The following UNC13B variants were observed in gnomAD, a reference collection of about 807,000 sequenced individuals.
The protein encoded by UNC13B is unc-13 homolog B.
A neutral mutation model predicts 211.0 loss-of-function variants in UNC13B; 144 were observed. The observed-to-expected ratio is 0.68, with a 90% CI of 0.60 to 0.78. UNC13B has a LOEUF of 0.78. Among genes scored for constraint, UNC13B ranks in the 30% least tolerant of loss-of-function variants. The pLI is 0.00. For missense variants in UNC13B, 1,777 were observed against 2,002.0 expected (o/e 0.89, Z 2.14); for synonymous variants, 709 against 725.8 (o/e 0.98, Z 0.37).
chr9:35,257,192 C>T (rs371539946), intron 6 of UNC13B, among the ~76,000 whole-genome samples: 2 of 151,448 alleles, frequency 1.3e-5, no homozygotes, highest in Admixed American at 6.6e-5. Context: ...GGTGCAGTGG[C>T]TCACACCTGT....
At chr9:35,394,897 A>T (rs961488910) in intron 26 of UNC13B, among the ~76,000 whole-genome samples, 1 of 152,198 alleles carries the variant, frequency 6.6e-6, no homozygotes, top group African/African-American at 2.4e-5. Context: ...GAAATTAGGG[A>T]TAGGGGCCAG....
intron 1 of UNC13B, among the ~76,000 whole-genome samples, chr9:35,180,482 CT>C (rs545028895): frequency 2.0e-5 from 3 of 148,436 alleles, no homozygotes; most frequent in Non-Finnish European, 4.5e-5. Context: ...ACAATTTATT[CT>C]TTTTTTTTTA....
rs1025926654 is a variant in UNC13B, at chr9:35,307,689, G to A, written c.8285G>A (p.Arg2762His). The A allele has an allele frequency of 4.0e-5, 16 of 398,898 alleles. No individual in the cohort carries two copies. The Admixed American group carries it at 4.8e-4, about 12-fold the overall frequency. 24.7% of individuals were successfully genotyped at this position (398,898 alleles called of 1,614,324 possible). A position where few individuals can be genotyped will look rare whatever the true frequency, so the allele number is the denominator to read the frequency against. The change falls in exon 9 of 40, where the codon CGT (arginine) becomes CAT (histidine). Residue 2762 changes from arginine (R) to histidine (H), a missense_variant. Physicochemically the swap from Arg to His is conservative, Grantham distance 29 (BLOSUM62 0). Coordinates refer to ENST00000635942, the MANE Select transcript of UNC13B (RefSeq NM_001371189.2). ...VPQETEQSRP[R>H]FEIPNVTTWP... is the part of the protein sequence containing the mutation. The stretch of plus-strand genomic sequence containing the variant: ...CAGGAAACAGAGCAGTCAAGACCAC[G>A]TTTTGAGATCCCAAATGTGACCACT...
chr9:35,202,272 T>A (rs1011733817), intron 1 of UNC13B, among the ~76,000 whole-genome samples: 4 of 152,220 alleles, frequency 2.6e-5, no homozygotes, highest in African/African-American at 7.2e-5. Flanking sequence ...GTGGTCACTT[T>A]TGGAATAAGT....
chr9:35,267,943 T>C (rs574268779), intron 7 of UNC13B, among the ~76,000 whole-genome samples: 2 of 152,332 alleles, frequency 1.3e-5, no homozygotes, highest in African/African-American at 4.8e-5. Flanking sequence ...CCATGGGAAC[T>C]CAATTATTCT....
intron 26 of UNC13B, among the ~76,000 whole-genome samples, chr9:35,391,743 A>G (rs1013862592): frequency 6.6e-6 from 1 of 152,166 alleles, no homozygotes; most frequent in Admixed American, 6.5e-5. Context: ...GGGAAAAGAG[A>G]AAACACCTGT....
chr9:35,245,492 T>TC (rs1330400847), intron 6 of UNC13B, among the ~76,000 whole-genome samples: 6 of 71,412 alleles, frequency 8.4e-5, no homozygotes, highest in Non-Finnish European at 1.3e-4. Context: ...ATGCTATCCC[T>TC]CCCCCCCTCC....
Position 35,382,450 on chromosome 9 carries a change from C to T in UNC13B, c.10749C>T (p.His3583=). Residue 3583 remains histidine, a synonymous_variant, in exon 21 of 40, where the codon CAC becomes CAT. Coordinates refer to ENST00000635942, the MANE Select transcript of UNC13B (RefSeq NM_001371189.2). ...CCAACATCAACGCCTACTATGCCCA[C>T]ACAACTGCCTCTACCAATGTCTCTG... is the stretch of plus-strand genomic sequence containing the variant. ...LLANINAYYA[H]TTASTNVSAS... is the part of the protein sequence containing the mutation. 6.2e-7 allele frequency: 1 copy of T among 1,614,218 alleles called. No individual in the cohort carries two copies.
chr9:35,165,607 C>CAT (rs1564037609), intron 1 of UNC13B, among the ~76,000 whole-genome samples: 1 of 151,460 alleles, frequency 6.6e-6, no homozygotes, highest in East Asian at 1.9e-4. Flanking sequence ...TTAGTAGAGA[C>CAT]GGGGTTTCAC....
At chr9:35,168,003 C>G (rs1309178989) in intron 1 of UNC13B, among the ~76,000 whole-genome samples, 2 of 151,850 alleles carry the variant, frequency 1.3e-5, no homozygotes, top group Non-Finnish European at 2.9e-5. Context: ...ACTGCATCCT[C>G]AAACTCCTGG....
intron 1 of UNC13B, among the ~76,000 whole-genome samples, chr9:35,219,771 G>A (rs1378546967): frequency 6.6e-6 from 1 of 151,894 alleles, no homozygotes; most frequent in Non-Finnish European, 1.5e-5. Context: ...TAAAAAAATG[G>A]TGTACAGTGG....
At chr9:35,246,914 A>T (rs1190373162) in intron 6 of UNC13B, among the ~76,000 whole-genome samples, 1 of 151,954 alleles carries the variant, frequency 6.6e-6, no homozygotes, top group Non-Finnish European at 1.5e-5. Context: ...TGATGGGGGG[A>T]TGGCATTGAA....
chr9:35,193,381 G>A (rs1822761145), intron 1 of UNC13B, among the ~76,000 whole-genome samples: 1 of 152,120 alleles, frequency 6.6e-6, no homozygotes. Flanking sequence ...GAGTGTGGTG[G>A]CTCATGCCTG....
chr9:35,184,919 A>G (rs1345856230), intron 1 of UNC13B, among the ~76,000 whole-genome samples: 3 of 151,926 alleles, frequency 2.0e-5, no homozygotes, highest in Admixed American at 1.3e-4. Flanking sequence ...TTTGAGTCCT[A>G]TGTTCTTACA....
At chr9:35,201,541 A>G (rs1216878833) in intron 1 of UNC13B, among the ~76,000 whole-genome samples, 1 of 152,194 alleles carries the variant, frequency 6.6e-6, no homozygotes, top group African/African-American at 2.4e-5. Context: ...CAGGGATTCA[A>G]CTTCTTCCTG....
At chr9:35,184,285 G>A (rs1473859303) in intron 1 of UNC13B, among the ~76,000 whole-genome samples, 2 of 152,140 alleles carry the variant, frequency 1.3e-5, no homozygotes, top group South Asian at 2.1e-4. Context: ...AGGCAGAGAC[G>A]CTGCCCACTT....
intron 11 of UNC13B, among the ~76,000 whole-genome samples, chr9:35,336,738 G>T (rs1005374378): frequency 1.3e-5 from 2 of 152,070 alleles, no homozygotes; most frequent in Non-Finnish European, 2.9e-5. Context: ...CTCCCCAAAG[G>T]CTCACCTCCT....
At chr9:35,225,053 C>T (rs1012272688) in intron 1 of UNC13B, among the ~76,000 whole-genome samples, 4 of 151,936 alleles carry the variant, frequency 2.6e-5, no homozygotes, top group Non-Finnish European at 2.9e-5. Flanking sequence ...CAGTAGAGGT[C>T]GTATGTGACA....
At position 35,281,423 on chromosome 9, in the gene UNC13B, AGAGAG is replaced by A. The variant is rs753302150; in HGVS notation, c.527-14272_527-14268del. Among the ~76,000 whole-genome samples, 36 of 145,548 alleles carry A rather than the reference AGAGAG, an allele frequency of 2.5e-4. 1 individual carries two copies. Among genetic ancestry groups the A allele is most frequent in the Non-Finnish European group, 3.2e-4 (21 of 66,140 alleles). On this transcript the variant is annotated intron_variant, in intron 7 of 39. Coordinates refer to ENST00000635942, the MANE Select transcript of UNC13B (RefSeq NM_001371189.2). ...AGAGACTGTCTCAAAAAAAAAAAAA[AGAGAG>A]AGAGAGGAATGAAAGTCCCTGACCT...
Sources: allele counts gnomAD v4.1 joint callset (sites outside exome capture counted in the v4.1 genomes callset), GRCh38; gene constraint gnomAD v4.1.1; transcripts MANE v1.5; gene names NCBI Gene and HGNC (gene_info 2026-07-23, HGNC 2026-07-21).